The following UBR2 variants were observed in gnomAD, a reference collection of about 807,000 sequenced individuals.
UBR2 encodes E3 ubiquitin-protein ligase UBR2.
UBR2 carries 92 observed loss-of-function variants against 247.9 expected under a neutral mutation model. The ratio of observed to expected loss-of-function variants is 0.37; its 90% CI spans 0.31 to 0.44. The LOEUF (loss-of-function observed/expected upper bound fraction) is 0.44. Among genes scored for constraint, UBR2 ranks in the 20% least tolerant of loss-of-function variants. The pLI, the probability that UBR2 is intolerant of heterozygous loss-of-function variation, is 1.00. For synonymous variants in UBR2, 672 were observed against 693.5 expected (o/e 0.97, Z 0.49); for missense variants, 1,613 against 2,112.6 (o/e 0.76, Z 4.64).
chr6:42,591,245 A>G (rs1332563506), intron 2 of UBR2, among the ~76,000 whole-genome samples: 1 of 152,138 alleles, frequency 6.6e-6, no homozygotes, highest in Non-Finnish European at 1.5e-5. Context: ...AAAAAGAACA[A>G]AAGACTCTTC....
chr6:42,680,001 G>GT (rs1206821375), intron 42 of UBR2, among the ~76,000 whole-genome samples, 169 bp downstream of exon 42: 1 of 151,776 alleles, frequency 6.6e-6, no homozygotes, highest in Non-Finnish European at 1.5e-5. Flanking sequence ...GTTTTGTTTT[G>GT]TTTTTGTTTT....
Position 42,581,203 on chromosome 6 carries a change from T to TC in UBR2, c.338+7211dup, listed in dbSNP as rs397718859. Reference sequence around the variant, plus strand: ...AATTTTCTTTTTCCTTTTTTTTTTTTCTCCGAGACGGAGTCTCGCTCTGTC... The same window carrying TC: ...AATTTTCTTTTTCCTTTTTTTTTTTTCCTCCGAGACGGAGTCTCGCTCTGTC... On this transcript the variant is annotated intron_variant, in intron 2 of 46. Transcript: ENST00000372901. Among the ~76,000 whole-genome samples the TC allele has an allele frequency of 1.3e-3, 189 of 150,366 alleles. 1 individual carries two copies. Among genetic ancestry groups the TC allele is most frequent in the Non-Finnish European group, 4.4e-4 (30 of 67,630 alleles).
chr6:42,641,583 G>A lies in UBR2; in HGVS notation c.1922G>A (p.Ser641Asn), dbSNP rs1796453076. Residue 641 changes from serine (S) to asparagine (N), a missense_variant and splice_region_variant, in exon 17 of 47, where the codon AGT becomes AAT. Ser to Asn is a conservative substitution (Grantham distance 46). Around this residue, in one of 3 missense-constraint regions of UBR2, gnomAD observed 1,524 missense variants for 1,967.3 expected, o/e 0.77. Transcript: ENST00000372901. ...TTTTTTTATTTTTTGTATATATAGAGTGAACTTAGCCCACCCATGTTGATA... is the reference window on the plus strand; with the variant it reads ...TTTTTTTATTTTTTGTATATATAGAATGAACTTAGCCCACCCATGTTGATA... ...AYKFPELLPL[S>N]ELSPPMLIEH... The A allele has an allele frequency of 2.5e-6, 4 of 1,589,768 alleles. No homozygotes were observed. Among genetic ancestry groups the A allele is most frequent in the Middle Eastern group, 1.7e-4 (1 of 5,998 alleles).
In UBR2 at chr6:42,686,132, G is replaced by A. The variant is rs529287438; in HGVS notation, c.4853+1261G>A. The stretch of plus-strand genomic sequence containing the variant: ...TTCTTGGGTGTTTCTCGGAGGGGGG[G>A]ATTTGGCAGGGTCATAGGACAATAG... On this transcript the variant is annotated intron_variant, in intron 44 of 46. Transcript: ENST00000372901. 4.4e-3 allele frequency among the ~76,000 whole-genome samples: 661 copies of A among 151,760 alleles called. 3 individuals carry two copies. The highest frequency in any genetic ancestry group is 0.015 in the African/African-American group (639 of 41,348).
chr6:42,658,791 T>G lies in UBR2; in HGVS notation c.3209T>G (p.Leu1070Arg). ...GAACTCTTTCAGCAGACATTAGAAC[T>G]GGATGCCTCAACCTCTGCTGTTCTT... ...NKELFQQTLE[L>R]DASTSAVLDH... Residue 1070 changes from leucine to arginine, a missense_variant, in exon 29 of 47, where the codon CTG (leucine) becomes CGG (arginine). Around this residue, in one of 3 missense-constraint regions of UBR2, gnomAD observed 1,524 missense variants for 1,967.3 expected, o/e 0.77. Coordinates refer to ENST00000372901, the MANE Select transcript of UBR2 (RefSeq NM_001363705.2). The G allele has an allele frequency of 6.2e-7, 1 of 1,603,060 alleles. No individual in the cohort carries two copies. Among genetic ancestry groups the G allele is most frequent in the Admixed American group, 1.7e-5 (1 of 58,306 alleles).
chr6:42,615,222 A>C, intron 9 of UBR2, 44 bp downstream of exon 9: 2 of 1,433,592 alleles, frequency 1.4e-6, no homozygotes, highest in Non-Finnish European at 1.9e-6. Context: ...AACCTATATA[A>C]GTAATTGGGA....
intron 45 of UBR2, among the ~76,000 whole-genome samples, chr6:42,688,740 A>G (rs1799590047): frequency 6.6e-6 from 1 of 152,124 alleles, no homozygotes; most frequent in Non-Finnish European, 1.5e-5. Flanking sequence ...ACCTCCACTT[A>G]TACATATTAT....
intron 1 of UBR2, among the ~76,000 whole-genome samples, chr6:42,571,669 G>T (rs1562272864): frequency 6.6e-6 from 1 of 150,758 alleles, no homozygotes. Flanking sequence ...CTTGAACCTG[G>T]GAGGCAGAGG....
At chr6:42,667,259 T>C (rs1798158868) in intron 34 of UBR2, among the ~76,000 whole-genome samples, 1 of 151,666 alleles carries the variant, frequency 6.6e-6, no homozygotes, top group Admixed American at 6.6e-5. Flanking sequence ...TCGCTTGAAC[T>C]TGGGAGGCAG....
rs1231110653 is a variant in UBR2 at position 42,645,604 on chromosome 6, T to A, written c.2409+14T>A. The A allele has an allele frequency of 6.2e-7, 1 of 1,609,662 alleles. No homozygotes were observed. The highest frequency in any genetic ancestry group is 1.7e-5 in the Admixed American group (1 of 58,504). On this transcript the variant is annotated intron_variant, in intron 21 of 46. Coordinates refer to ENST00000372901, the MANE Select transcript of UBR2 (RefSeq NM_001363705.2). ...TTACCTGAAGATGTAAGTACCTACA[T>A]TTCTAAAAAGAAAACCATAGAAACT...
intron 15 of UBR2, among the ~76,000 whole-genome samples, chr6:42,639,099 G>A (rs1241364926): frequency 6.6e-6 from 1 of 152,166 alleles, no homozygotes; most frequent in Non-Finnish European, 1.5e-5. Flanking sequence ...AGTGCTAATG[G>A]AGTTTGTAAA....
intron 44 of UBR2, among the ~76,000 whole-genome samples, chr6:42,685,631 AT>A (rs371260470): frequency 7.0e-4 from 105 of 149,282 alleles, no homozygotes; most frequent in African/African-American, 2.3e-3. Flanking sequence ...CGCCCAGCTA[AT>A]TTTTTTTTTG....
At chr6:42,614,982 C>T (rs1024070793) in intron 8 of UBR2, 89 bp from the exon 9 acceptor site, 6 of 1,026,238 alleles carry the variant, frequency 5.8e-6, no homozygotes, top group Non-Finnish European at 8.3e-6. Flanking sequence ...ACATTTAAAA[C>T]TCTACAGATC....
chr6:42,640,302 T>A, intron 16 of UBR2, 32 bp downstream of exon 16: 1 of 1,546,338 alleles, frequency 6.5e-7, no homozygotes, highest in East Asian at 2.3e-5. Flanking sequence ...AAGTGAATAC[T>A]TATTTATTAT....
intron 5 of UBR2, among the ~76,000 whole-genome samples, chr6:42,604,695 C>A (rs972268355): frequency 2.0e-5 from 3 of 152,090 alleles, no homozygotes; most frequent in African/African-American, 7.2e-5. Context: ...ATTATATCTC[C>A]TATCAAATTT....
rs1011771778 is a variant in UBR2, at chr6:42,645,672, A to T, written c.2409+82A>T. On this transcript the variant is annotated intron_variant, in intron 21 of 46. Coordinates refer to ENST00000372901, the MANE Select transcript of UBR2 (RefSeq NM_001363705.2). ...CTAGTATCTATAGATTTACTTCTGT[A>T]TACCTTTCTCACAATTGTAAAATCT... 9.9e-6 allele frequency: 14 copies of T among 1,412,240 alleles called. No homozygotes were observed. In the African/African-American group the frequency reaches 2.0e-4, roughly 20 times the overall value. The allele number at this position is 1,412,240 out of a possible 1,614,324, so 87.5% of individuals were successfully genotyped here. A position where few individuals can be genotyped will look rare whatever the true frequency, so the allele number is the denominator to read the frequency against.
intron 20 of UBR2, among the ~76,000 whole-genome samples, chr6:42,645,256 C>G (rs1287002477): frequency 6.6e-6 from 1 of 152,154 alleles, no homozygotes; most frequent in African/African-American, 2.4e-5. Flanking sequence ...CTCTCCACTA[C>G]CTAAAGCCTG....
rs150157456 is a variant in UBR2, at chr6:42,564,190, C to A, written c.-130C>A. The A allele has an allele frequency of 3.0e-6, 3 of 1,005,016 alleles. No individual in the cohort carries two copies. Among genetic ancestry groups the A allele is most frequent in the Non-Finnish European group, 4.4e-6 (3 of 685,874 alleles). The allele number at this position is 1,005,016 out of a possible 1,614,324, so 62.3% of individuals were successfully genotyped here. On this transcript the variant is annotated 5_prime_UTR_variant, in exon 1 of 47. Transcript: ENST00000372901. Reference sequence around the variant, plus strand: ...GTCACCCTTCTCTCCCTCTGTTGCTCCACCTGCAGCCACTTGGACGGCTCC... The same window carrying A: ...GTCACCCTTCTCTCCCTCTGTTGCTACACCTGCAGCCACTTGGACGGCTCC...
In UBR2 at chr6:42,673,964, CAGT is replaced by C. The variant is rs549326858; in HGVS notation, c.4183+79_4183+81del. 5.3e-4 allele frequency: 726 copies of C among 1,360,444 alleles called. 10 individuals are homozygous for C. The South Asian group carries it at 8.4e-3, about 16-fold the overall frequency. 84.3% of individuals were successfully genotyped at this position (1,360,444 alleles called of 1,614,324 possible). ...TTGTTTTTAATGGTACAGCTTCTCT[CAGT>C]AATGAATTAAATATTTAGTAGTACT... On this transcript the variant is annotated intron_variant, in intron 37 of 46. Coordinates refer to ENST00000372901, the MANE Select transcript of UBR2 (RefSeq NM_001363705.2).
Sources: gnomAD v4.1 joint callset for allele counts (sites outside exome capture counted in the v4.1 genomes callset) on GRCh38, gnomAD v4.1.1 for gene constraint, gnomAD v4.1.1 regional missense constraint, MANE v1.5 for transcripts, NCBI Gene and HGNC (gene_info 2026-07-23, HGNC 2026-07-21) for gene names.